The following CNTN4 variants were observed in gnomAD, a reference collection of about 807,000 sequenced individuals.
CNTN4 encodes the protein contactin-4.
A neutral mutation model predicts 122.5 loss-of-function variants in CNTN4; 77 were observed. That is an observed-to-expected ratio of 0.63 (90% confidence interval 0.52 to 0.76). The LOEUF (loss-of-function observed/expected upper bound fraction) is 0.76, where lower values mean the gene tolerates loss of function less well. CNTN4 is among the 30% of genes least tolerant of loss of function. The pLI is 0.00. For missense variants in CNTN4, 1,256 were observed against 1,259.1 expected, an observed-to-expected ratio of 1.00 and a Z score of 0.04; for synonymous variants, 512 against 447.0, an observed-to-expected ratio of 1.15 and a Z score of -1.83.
intron 13 of CNTN4, among the ~76,000 whole-genome samples, chr3:2,978,702 C>T (rs1165133565): frequency 2.0e-5 from 3 of 152,132 alleles, no homozygotes; most frequent in African/African-American, 7.2e-5. Flanking sequence ...TTGTGATGTA[C>T]GTGAGACCTT....
intron 13 of CNTN4, among the ~76,000 whole-genome samples, chr3:2,954,562 T>A (rs1390668222): frequency 6.7e-6 from 1 of 149,346 alleles, no homozygotes; most frequent in Non-Finnish European, 1.5e-5. Flanking sequence ...ACATGTGTCA[T>A]CCAAATCAAT....
intron 7 of CNTN4, among the ~76,000 whole-genome samples, chr3:2,830,732 A>G (rs949494507): frequency 1.2e-4 from 19 of 152,154 alleles, no homozygotes; most frequent in African/African-American, 4.6e-4. Flanking sequence ...TCTTGTTTTA[A>G]TGCCTGCTGG....
intron 2 of CNTN4, among the ~76,000 whole-genome samples, chr3:2,180,248 C>A (rs2036954489): frequency 6.6e-6 from 1 of 151,978 alleles, no homozygotes; most frequent in South Asian, 2.1e-4. Context: ...ATGGAACTAA[C>A]ATTAAGGGAC....
At chr3:2,176,252 C>T (rs1021872733) in intron 2 of CNTN4, among the ~76,000 whole-genome samples, 2 of 152,104 alleles carry the variant, frequency 1.3e-5, no homozygotes, top group Non-Finnish European at 2.9e-5. Flanking sequence ...CAGGGCTTCA[C>T]TTGATATACT....
At chr3:2,599,166 G>C (rs925398309) in intron 4 of CNTN4, among the ~76,000 whole-genome samples, 4 of 152,166 alleles carry the variant, frequency 2.6e-5, no homozygotes, top group African/African-American at 9.6e-5. Context: ...AGGGACCATG[G>C]AGTGTAGAGT....
At chr3:2,337,090 G>A (rs890797005) in intron 2 of CNTN4, among the ~76,000 whole-genome samples, 2 of 152,040 alleles carry the variant, frequency 1.3e-5, no homozygotes, top group Non-Finnish European at 2.9e-5. Context: ...AGGCCTTCTT[G>A]GGGTCAGTCC....
chr3:2,770,597 A>G (rs1290538242), intron 6 of CNTN4, among the ~76,000 whole-genome samples: 1 of 152,242 alleles, frequency 6.6e-6, no homozygotes, highest in Non-Finnish European at 1.5e-5. Context: ...TGGCTTCTAC[A>G]CATGCATCAC....
At chr3:2,341,662 G>T (rs145460435) in intron 3 of CNTN4, among the ~76,000 whole-genome samples, 1 of 152,216 alleles carries the variant, frequency 6.6e-6, no homozygotes, top group Non-Finnish European at 1.5e-5. Flanking sequence ...GATTGTAAAA[G>T]TTGTAGTCTG....
intron 3 of CNTN4, among the ~76,000 whole-genome samples, chr3:2,387,232 A>C (rs1285556170): frequency 6.6e-6 from 1 of 152,200 alleles, no homozygotes; most frequent in Non-Finnish European, 1.5e-5. Context: ...TTTGCTGTAT[A>C]TCTCTTAAAA....
At chr3:2,334,983 T>A (rs1310457468) in intron 2 of CNTN4, among the ~76,000 whole-genome samples, 1 of 152,210 alleles carries the variant, frequency 6.6e-6, no homozygotes, top group Admixed American at 6.5e-5. Context: ...AAAATCATCC[T>A]TTTTGACCTA....
chr3:2,776,256 G>T (rs568664621), intron 6 of CNTN4, among the ~76,000 whole-genome samples: 32 of 129,426 alleles, frequency 2.5e-4, no homozygotes, highest in African/African-American at 8.7e-4. Flanking sequence ...ACAGCAATTT[G>T]ATTGGTTATA....
intron 2 of CNTN4, among the ~76,000 whole-genome samples, chr3:2,119,083 T>C (rs2033556039): frequency 6.6e-6 from 1 of 152,230 alleles, no homozygotes; most frequent in Admixed American, 6.5e-5. Context: ...AGCAGATCCA[T>C]AATGTGGTGG....
At chr3:2,398,079 C>T (rs1439552495) in intron 3 of CNTN4, among the ~76,000 whole-genome samples, 2 of 152,050 alleles carry the variant, frequency 1.3e-5, no homozygotes, top group African/African-American at 4.8e-5. Context: ...CTCGAACTCT[C>T]TGTAAAGTTA....
intron 4 of CNTN4, among the ~76,000 whole-genome samples, chr3:2,572,380 G>A (rs181603340): frequency 8.3e-4 from 126 of 151,990 alleles, no homozygotes; most frequent in Admixed American, 1.8e-3. Flanking sequence ...AGTGAGGCTC[G>A]GTCTCAAAAA....
At chr3:2,828,980 C>A (rs528970096) in intron 7 of CNTN4, among the ~76,000 whole-genome samples, 7 of 152,166 alleles carry the variant, frequency 4.6e-5, no homozygotes, top group Non-Finnish European at 8.8e-5. Flanking sequence ...CTCAAGCGAT[C>A]TTCCTACCTC....
chr3:2,311,576 G>A (rs1313967993), intron 2 of CNTN4, among the ~76,000 whole-genome samples: 2 of 152,082 alleles, frequency 1.3e-5, no homozygotes, highest in Non-Finnish European at 2.9e-5. Flanking sequence ...GAATGCAGCT[G>A]TGCACCTGTG....
At chr3:2,976,785 T>C (rs1403371570) in intron 13 of CNTN4, among the ~76,000 whole-genome samples, 1 of 152,172 alleles carries the variant, frequency 6.6e-6, no homozygotes, top group African/African-American at 2.4e-5. Flanking sequence ...TATGTAAGCT[T>C]GGGCAAATTT....
At chr3:2,258,785 T>C (rs1032227265) in intron 2 of CNTN4, among the ~76,000 whole-genome samples, 3 of 152,008 alleles carry the variant, frequency 2.0e-5, no homozygotes, top group African/African-American at 7.2e-5. Context: ...TTTTATATTT[T>C]TTTATTATTT....
chr3:2,821,594 C>T (rs1476634850), intron 7 of CNTN4, among the ~76,000 whole-genome samples: 6 of 152,124 alleles, frequency 3.9e-5, no homozygotes, highest in Admixed American at 3.9e-4. Context: ...TGGAAAATAT[C>T]ATAATTTTAC....
Sources: allele counts gnomAD v4.1 joint callset (sites outside exome capture counted in the v4.1 genomes callset), GRCh38; gene constraint gnomAD v4.1.1; transcripts MANE v1.5; gene names NCBI Gene and HGNC (gene_info 2026-07-23, HGNC 2026-07-21).